Variants in RASGRP4 observed in about 807,000 individuals in gnomAD.
RASGRP4 encodes RAS guanyl releasing protein 4.
Under a neutral mutation model 84.4 loss-of-function variants are expected in RASGRP4, and 52 were observed. That is an observed-to-expected ratio of 0.62 (90% confidence interval 0.49 to 0.78). The LOEUF (loss-of-function observed/expected upper bound fraction) is 0.78, where lower values mean the gene tolerates loss of function less well. RASGRP4 is among the 30% of genes least tolerant of loss of function. The pLI is 0.00. For missense variants in RASGRP4, 760 were observed against 886.9 expected (o/e 0.86, Z 1.82); for synonymous variants, 356 against 359.1 (o/e 0.99, Z 0.10).
In RASGRP4 at chr19:38,417,956, G is replaced by A. The variant is rs1465581678; in HGVS notation, c.837+435C>T. On this transcript the variant is annotated intron_variant, in intron 7 of 16. Transcript: ENST00000615439. This position sits in a 1 kb window ranked among gnomAD's most constrained non-coding sequence, Gnocchi z 5.1. ...GTCCGGAAAGGAGGGGGAAGGGAGG[G>A]GAAGAGAAGGGCGTAACACAATGGG... Among the ~76,000 whole-genome samples the A allele has an allele frequency of 6.6e-6, 1 of 152,082 alleles. No individual in the cohort carries two copies. Among genetic ancestry groups the A allele is most frequent in the East Asian group, 1.9e-4 (1 of 5,164 alleles).
rs1316681554 is a variant in RASGRP4, at chr19:38,422,121, C to T, written c.56G>A (p.Gly19Glu). The change falls in exon 2 of 17, where the codon GGA becomes GAA. Residue 19 changes from glycine (G) to glutamate (E), a missense_variant. Coordinates refer to ENST00000615439, the MANE Select transcript of RASGRP4 (RefSeq NM_170604.3). ...KSHQECTGKI[G>E]GRGRPRQVRR... ...CACTTGGCGGGGCCGGCCTCGCCCT[C>T]CTATTTTTCCGGTGCATTCCTGGTG... 2 of 1,612,424 alleles carry T rather than the reference C, an allele frequency of 1.2e-6. No individual in the cohort carries two copies. The highest frequency in any genetic ancestry group is 1.7e-6 in the Non-Finnish European group (2 of 1,179,474).
Position 38,413,449 on chromosome 19 carries a change from TC to T in RASGRP4, c.1255del (p.Glu419LysfsTer36). 6.2e-7 allele frequency: 1 copy of T among 1,602,542 alleles called. No homozygotes were observed. The highest frequency in any genetic ancestry group is 8.5e-7 in the Non-Finnish European group (1 of 1,174,540). ...LTLSLDLFYT[E>X]DEIYELSYAR... ...ATAAGAAAGCTCATAGATCTCGTCT[TC>T]CGTGTAGAAGAGGTCCAGGGAGAGC... On this transcript the variant is annotated frameshift_variant, in exon 10 of 17. Coordinates refer to ENST00000615439, the MANE Select transcript of RASGRP4 (RefSeq NM_170604.3). LOFTEE classifies it high-confidence loss of function. The surrounding 1 kb of genome is among the most constrained non-coding windows in gnomAD (Gnocchi z 4.7).
chr19:38,426,011 T>C (rs1971978454), intron 1 of RASGRP4, 58 bp downstream of exon 1: 2 of 1,326,926 alleles, frequency 1.5e-6, no homozygotes, highest in South Asian at 2.0e-5. Context: ...TCCCCAGCCC[T>C]CCCATGCAGA....
chr19:38,421,184 C>G lies in RASGRP4; in HGVS notation c.225G>C (p.Leu75=), dbSNP rs1221969034. 6.2e-7 allele frequency: 1 copy of G among 1,613,500 alleles called. No individual in the cohort carries two copies. Among genetic ancestry groups the G allele is most frequent in the Non-Finnish European group, 8.5e-7 (1 of 1,179,578 alleles). Residue 75 remains leucine, a synonymous_variant, in exon 3 of 17, where the codon CTG becomes CTC. Coordinates refer to ENST00000615439, the MANE Select transcript of RASGRP4 (RefSeq NM_170604.3). ...TGTTGAGCATGTGGTCCTCGTGGCA[C>G]AGGCTGCCAGCTGAATCTGGGGTGG... ...CIQSFDSAGS[L]CHEDHMLNMV... is the part of the protein sequence containing the mutation.
At position 38,409,373 on chromosome 19, in the gene RASGRP4, G is replaced by A. The variant is rs1409696082; in HGVS notation, c.*667C>T. ...CTGTTCTCCTGGAGTTGATGCTCCTGTTGAGGAAAGACAGACGTTCAACGA... is the reference window on the plus strand; with the variant it reads ...CTGTTCTCCTGGAGTTGATGCTCCTATTGAGGAAAGACAGACGTTCAACGA... On this transcript the variant is annotated 3_prime_UTR_variant, in exon 17 of 17. Coordinates refer to ENST00000615439, the MANE Select transcript of RASGRP4 (RefSeq NM_170604.3). 4 of 152,538 alleles carry A rather than the reference G, an allele frequency of 2.6e-5. No homozygotes were observed. The highest frequency in any genetic ancestry group is 4.8e-5 in the African/African-American group (2 of 41,342). The allele number at this position is 152,538 out of a possible 1,614,324, so 9.4% of individuals were successfully genotyped here.
intron 1 of RASGRP4, among the ~76,000 whole-genome samples, chr19:38,424,970 G>T (rs1600585336): frequency 6.6e-6 from 1 of 151,986 alleles, no homozygotes; most frequent in South Asian, 2.1e-4. Context: ...TGGATCACGA[G>T]GTCAAGAGAT....
rs1187450901 is a variant in RASGRP4 at position 38,417,631 on chromosome 19, T to A, written c.838-463A>T. ...ATAGGGCCAGAGAGATATGGAGGAG[T>A]CAGACAGATGCTAGACAGGTGTGGG... is the stretch of plus-strand genomic sequence containing the variant. On this transcript the variant is annotated intron_variant, in intron 7 of 16. Transcript: ENST00000615439. The surrounding 1 kb of genome is among the most constrained non-coding windows in gnomAD (Gnocchi z 5.1). 6.7e-6 allele frequency among the ~76,000 whole-genome samples: 1 copy of A among 149,120 alleles called. No homozygotes were observed. Among genetic ancestry groups the A allele is most frequent in the African/African-American group, 2.5e-5 (1 of 40,306 alleles).
At position 38,421,201 on chromosome 19, in the gene RASGRP4, C is replaced by G; in HGVS notation, c.209-1G>C. On this transcript the variant is annotated splice_acceptor_variant, in intron 2 of 16. Coordinates refer to ENST00000615439, the MANE Select transcript of RASGRP4 (RefSeq NM_170604.3). LOFTEE classifies it high-confidence loss of function. ...TCGTGGCACAGGCTGCCAGCTGAAT[C>G]TGGGGTGGAAGGAGGGGTACTCTGT... 6.2e-7 allele frequency: 1 copy of G among 1,609,532 alleles called. No individual in the cohort carries two copies.
intron 9 of RASGRP4, 29 bp downstream of exon 9, chr19:38,414,819 C>T: frequency 6.4e-7 from 1 of 1,553,840 alleles, no homozygotes; most frequent in Non-Finnish European, 8.7e-7. Context: ...CCTTGGAAGC[C>T]CAGCCTGGGC....
At position 38,410,993 on chromosome 19, in the gene RASGRP4, C is replaced by T. The variant is rs34377632; in HGVS notation, c.1858G>A (p.Glu620Lys). Residue 620 changes from glutamate (E) to lysine (K), a missense_variant, in exon 16 of 17, where the codon GAG becomes AAG. Glu to Lys is a moderately conservative substitution (Grantham distance 56, BLOSUM62 1). Coordinates refer to ENST00000615439, the MANE Select transcript of RASGRP4 (RefSeq NM_170604.3). ...GATAGCGTGTAGGAGTGATTTTCCT[C>T]GGAGCCTGTTTGTGGGTGGATGGAA... ...TPAPHASCGS[E>K]ENHSYTLSLE... 48,188 of 1,602,768 alleles carry T rather than the reference C, an allele frequency of 0.03. 1,065 individuals carry two copies. The highest frequency in any genetic ancestry group is 0.11 in the African/African-American group (7,915 of 74,764).
Position 38,412,083 on chromosome 19 carries a change from TTTGTTGTTGTTGTTGTTG to T in RASGRP4, c.1680+571_1680+588del, listed in dbSNP as rs56791891. Among the ~76,000 whole-genome samples, 38 of 128,794 alleles carry T rather than the reference TTTGTTGTTGTTGTTGTTG, an allele frequency of 3.0e-4. No individual in the cohort carries two copies. Among genetic ancestry groups the T allele is most frequent in the East Asian group, 9.1e-4 (4 of 4,412 alleles). The allele number at this position is 128,794 out of a possible 152,430, so 84.5% of individuals were successfully genotyped here. ...CTACCCGGTTTGGAGATTATCCAGGTTTGTTGTTGTTGTTGTTGTTGTTGTTGTTGTTGTTGTTGTTGT... is the reference window on the plus strand; with the variant it reads ...CTACCCGGTTTGGAGATTATCCAGGTTTGTTGTTGTTGTTGTTGTTGTTGT... On this transcript the variant is annotated intron_variant, in intron 13 of 16. Coordinates refer to ENST00000615439, the MANE Select transcript of RASGRP4 (RefSeq NM_170604.3). The surrounding 1 kb of genome is among the most constrained non-coding windows in gnomAD (Gnocchi z 4.6).
Position 38,418,334 on chromosome 19 carries a change from G to A in RASGRP4, c.837+57C>T, listed in dbSNP as rs1320502853. ...CCTGTGGGGTCGAGGGTCTGGAAGG[G>A]GAAGGACCAGGTGGCTGCGTGCAGT... On this transcript the variant is annotated intron_variant, in intron 7 of 16. Transcript: ENST00000615439. The surrounding 1 kb of genome is among the most constrained non-coding windows in gnomAD (Gnocchi z 4.6). 1.3e-6 allele frequency: 2 copies of A among 1,540,864 alleles called. No individual in the cohort carries two copies. The highest frequency in any genetic ancestry group is 2.7e-5 in the African/African-American group (2 of 73,238).
Position 38,411,161 on chromosome 19 carries a change from G to A in RASGRP4, c.1806C>T (p.Pro602=). Residue 602 remains proline (P), a synonymous_variant, in exon 15 of 17, where the codon CCC becomes CCT. Transcript: ENST00000615439. ...GTGTGGATGGGACAGGAGCTCCGGG[G>A]GGTCCTGCATCGCCCTTGGCCCCTG... ...KRPGAKGDAG[P]PGAPVPSTPA... 1 of 1,613,920 alleles carries A rather than the reference G, an allele frequency of 6.2e-7. No individual in the cohort carries two copies. Among genetic ancestry groups the A allele is most frequent in the Non-Finnish European group, 8.5e-7 (1 of 1,179,890 alleles).
intron 2 of RASGRP4, among the ~76,000 whole-genome samples, chr19:38,421,438 A>AC (rs1394895501): frequency 6.6e-6 from 1 of 152,210 alleles, no homozygotes; most frequent in African/African-American, 2.4e-5. Context: ...CTGGCCGGGC[A>AC]CAGTGGCTCA....
At position 38,413,167 on chromosome 19, in the gene RASGRP4, C is replaced by T. The variant is rs999077285; in HGVS notation, c.1416+26G>A. 8.7e-6 allele frequency: 14 copies of T among 1,600,776 alleles called. No homozygotes were observed. The highest frequency in any genetic ancestry group is 4.5e-5 in the East Asian group (2 of 44,756). On this transcript the variant is annotated intron_variant, in intron 11 of 16. Transcript: ENST00000615439. This position sits in a 1 kb window ranked among gnomAD's most constrained non-coding sequence, Gnocchi z 4.7. ...AGATGTCTTCCCTCCTGGCTGCTGGCGGCCGGGCCACCCTCCCCTCCTTAC... is the reference window on the plus strand; with the variant it reads ...AGATGTCTTCCCTCCTGGCTGCTGGTGGCCGGGCCACCCTCCCCTCCTTAC...
chr19:38,424,767 A>G (rs1349877817), intron 1 of RASGRP4, among the ~76,000 whole-genome samples: 1 of 151,996 alleles, frequency 6.6e-6, no homozygotes, highest in African/African-American at 2.4e-5. Flanking sequence ...GTCCTAGGCT[A>G]AGGAAGGAGC....
In RASGRP4 at chr19:38,417,285, C is replaced by A; in HGVS notation, c.838-117G>T. 1.4e-6 allele frequency: 1 copy of A among 697,360 alleles called. No homozygotes were observed. The highest frequency in any genetic ancestry group is 2.6e-6 in the Non-Finnish European group (1 of 386,070). The allele number at this position is 697,360 out of a possible 1,614,324, so 43.2% of individuals were successfully genotyped here. ...GGCATGTGTGGACCAATGTGGGGAT[C>A]AGACAGGTGAGAGAAGGCGGGTGTG... On this transcript the variant is annotated intron_variant, in intron 7 of 16. Transcript: ENST00000615439. The surrounding 1 kb of genome is among the most constrained non-coding windows in gnomAD (Gnocchi z 5.1).
chr19:38,423,648 C>A (rs1188783845), intron 1 of RASGRP4, among the ~76,000 whole-genome samples: 1 of 151,626 alleles, frequency 6.6e-6, no homozygotes, highest in Non-Finnish European at 1.5e-5. Flanking sequence ...ACCAGCCTGG[C>A]CAACATGGTG....
In RASGRP4 at chr19:38,418,502, G is replaced by A. The variant is rs1403904843; in HGVS notation, c.726C>T (p.Gly242=). ...ACACGCTGTTGCTGAGACCTACGGA[G>A]CCCTCCAGGGCCGGGCAGCCTCGTA... ...GSVRGCPALE[G]SVGLSNSVSR... Residue 242 remains glycine, a synonymous_variant, in exon 7 of 17, where the codon GGC becomes GGT. Transcript: ENST00000615439. The surrounding 1 kb of genome is among the most constrained non-coding windows in gnomAD (Gnocchi z 4.6). 8 of 1,560,018 alleles carry A rather than the reference G, an allele frequency of 5.1e-6. No individual in the cohort carries two copies. Among genetic ancestry groups the A allele is most frequent in the Admixed American group, 1.9e-5 (1 of 51,942 alleles).
Sources: gnomAD v4.1 joint callset for allele counts (sites outside exome capture counted in the v4.1 genomes callset) on GRCh38, gnomAD v4.1.1 for gene constraint, Gnocchi (gnomAD v3.1) non-coding constraint, MANE v1.5 for transcripts, NCBI Gene and HGNC (gene_info 2026-07-23, HGNC 2026-07-21) for gene names.